LRP1B: variants seen among roughly 807,000 people sequenced by gnomAD.
LRP1B encodes the protein LDL receptor related protein 1B.
In LRP1B, 217 loss-of-function variants were observed where a neutral mutation model predicts 556.6. The ratio of observed to expected loss-of-function variants is 0.39; its 90% CI spans 0.35 to 0.44. The LOEUF (loss-of-function observed/expected upper bound fraction) is 0.44, where lower values mean the gene tolerates loss of function less well. Among genes scored for constraint, LRP1B ranks in the 20% least tolerant of loss-of-function variants. The pLI, the probability that LRP1B is intolerant of heterozygous loss-of-function variation, is 1.00. For missense variants in LRP1B, 5,053 were observed against 5,620.8 expected (o/e 0.90, Z 3.23); for synonymous variants, 2,047 against 1,865.8 (o/e 1.10, Z -2.50).
chr2:140,534,233 T>G (rs1441160082), intron 46 of LRP1B, 93 bp from the exon 47 acceptor site: 2 of 1,142,342 alleles, frequency 1.8e-6, no homozygotes, highest in Non-Finnish European at 2.5e-6. Context: ...TCATAATGAC[T>G]GGATTATGGA....
intron 23 of LRP1B, among the ~76,000 whole-genome samples, chr2:140,892,240 A>C (rs1693819342): frequency 1.3e-5 from 2 of 152,186 alleles, no homozygotes; most frequent in Non-Finnish European, 2.9e-5. Flanking sequence ...CAAAGGAGTA[A>C]GTGACAGAAG....
At chr2:140,501,977 T>A in intron 54 of LRP1B, 103 bp from the exon 55 acceptor site, 1 of 773,310 alleles carries the variant, frequency 1.3e-6, no homozygotes, top group Non-Finnish European at 1.9e-6. Flanking sequence ...GTGTCAAAAA[T>A]CATAATATAA....
At chr2:140,720,826 A>G (rs1026340586) in intron 35 of LRP1B, among the ~76,000 whole-genome samples, 3 of 152,074 alleles carry the variant, frequency 2.0e-5, no homozygotes, top group African/African-American at 2.4e-5. Flanking sequence ...AACAGCATAA[A>G]TATATAAAAA....
At chr2:141,724,743 G>A (rs531190591) in intron 2 of LRP1B, among the ~76,000 whole-genome samples, 5 of 151,992 alleles carry the variant, frequency 3.3e-5, no homozygotes, top group Admixed American at 6.6e-5. Flanking sequence ...AAATGATAAC[G>A]AGAAGGAAAG....
intron 1 of LRP1B, among the ~76,000 whole-genome samples, chr2:142,027,291 T>G (rs116621120): frequency 0.032 from 4,878 of 151,182 alleles, 85 homozygotes; most frequent in Non-Finnish European, 0.04. Flanking sequence ...GAAATTCTGA[T>G]TTTTAGAGGT....
At chr2:140,328,498 A>C (rs561885080) in intron 79 of LRP1B, among the ~76,000 whole-genome samples, 65 of 152,080 alleles carry the variant, frequency 4.3e-4, no homozygotes, top group African/African-American at 1.4e-3. Flanking sequence ...GAAAATGAAG[A>C]AAACAAAATA....
intron 27 of LRP1B, among the ~76,000 whole-genome samples, chr2:140,866,791 C>T (rs1362228430): frequency 6.6e-6 from 1 of 151,900 alleles, no homozygotes; most frequent in African/African-American, 2.4e-5. Flanking sequence ...CTAAAAGATA[C>T]TATAATACAA....
chr2:141,868,983 A>G (rs1027303433), intron 1 of LRP1B, among the ~76,000 whole-genome samples: 5 of 152,158 alleles, frequency 3.3e-5, no homozygotes, highest in Admixed American at 2.0e-4. Context: ...TCAAGTCTTA[A>G]TTAGCAGTAC....
At chr2:141,317,021 G>A (rs1284187137) in intron 3 of LRP1B, among the ~76,000 whole-genome samples, 1 of 152,132 alleles carries the variant, frequency 6.6e-6, no homozygotes, top group East Asian at 1.9e-4. Context: ...TGCCAAACTG[G>A]GAGCCTCCAA....
intron 40 of LRP1B, 131 bp from the exon 41 acceptor site, chr2:140,700,752 G>T: frequency 1.1e-6 from 1 of 937,882 alleles, no homozygotes; most frequent in Non-Finnish European, 1.6e-6. Flanking sequence ...TTTTAAGCTG[G>T]TCAATAAAAA....
chr2:141,601,202 G>GTATCTATCTATCTATCTATC (rs4008441), intron 2 of LRP1B, among the ~76,000 whole-genome samples: 69 of 148,938 alleles, frequency 4.6e-4, no homozygotes, highest in South Asian at 1.3e-3. Context: ...CTGTCTGTCA[G>GTATCTATCTATCTATCTATC]TATCTATCTA....
chr2:140,356,481 G>A lies in LRP1B; in HGVS notation c.11396-5C>T, dbSNP rs754836956. ...CACAGGTATATTCAGTAGGAGCTGG[G>A]ATTTAAAAATATGATCAAAACTAAT... is the stretch of plus-strand genomic sequence containing the variant. On this transcript the variant is annotated splice_region_variant and splice_polypyrimidine_tract_variant and intron_variant, in intron 74 of 90. Transcript: ENST00000389484. The A allele has an allele frequency of 8.0e-5, 126 of 1,582,318 alleles. No homozygotes were observed. Among genetic ancestry groups the A allele is most frequent in the Non-Finnish European group, 3.2e-5 (37 of 1,162,592 alleles).
chr2:141,525,257 A>G (rs1272218811), intron 2 of LRP1B, among the ~76,000 whole-genome samples: 1 of 152,080 alleles, frequency 6.6e-6, no homozygotes, highest in Non-Finnish European at 1.5e-5. Flanking sequence ...AAACCTGGAG[A>G]GAAGATAGAG....
intron 2 of LRP1B, among the ~76,000 whole-genome samples, chr2:141,704,305 C>G (rs1692060399): frequency 6.6e-6 from 1 of 151,850 alleles, no homozygotes; most frequent in Admixed American, 6.6e-5. Flanking sequence ...AGTTAAAATG[C>G]TTTATTAAGC....
At chr2:140,619,164 A>C (rs1683364053) in intron 41 of LRP1B, among the ~76,000 whole-genome samples, 1 of 151,442 alleles carries the variant, frequency 6.6e-6, no homozygotes, top group South Asian at 2.1e-4. Flanking sequence ...CTTTCAGGGG[A>C]CCAGGTGCTA....
chr2:141,014,298 C>A (rs986981161), intron 13 of LRP1B, among the ~76,000 whole-genome samples: 1 of 152,008 alleles, frequency 6.6e-6, no homozygotes, highest in Non-Finnish European at 1.5e-5. Flanking sequence ...TAAACACAGA[C>A]ACATTTATTA....
In LRP1B at chr2:140,450,651, T is replaced by C; in HGVS notation, c.9974A>G (p.Lys3325Arg). The change falls in exon 63 of 91, where the codon AAA (lysine) becomes AGA (arginine). Residue 3325 changes from lysine (K) to arginine (R), a missense_variant. Around this residue, in one of 5 missense-constraint regions of LRP1B, gnomAD observed 262 missense variants for 395.1 expected, o/e 0.66. Transcript: ENST00000389484. The part of the protein sequence containing the change: ...SNCTASQFRC[K>R]TDKCIPFWWK... ...CCAGAATGGAATACATTTGTCAGTTTTGCAACGAAACTTAAAAAAGAAAAA... is the reference window on the plus strand; with the variant it reads ...CCAGAATGGAATACATTTGTCAGTTCTGCAACGAAACTTAAAAAAGAAAAA... The C allele has an allele frequency of 6.2e-7, 1 of 1,608,184 alleles. No individual in the cohort carries two copies. Among genetic ancestry groups the C allele is most frequent in the Non-Finnish European group, 8.5e-7 (1 of 1,177,768 alleles).
At chr2:141,940,093 T>C (rs1700752773) in intron 1 of LRP1B, among the ~76,000 whole-genome samples, 1 of 152,076 alleles carries the variant, frequency 6.6e-6, no homozygotes, top group Admixed American at 6.6e-5. Context: ...TCAATTGCAG[T>C]GCAGTTAAAA....
intron 21 of LRP1B, among the ~76,000 whole-genome samples, chr2:140,916,184 C>T (rs1694573922): frequency 1.3e-5 from 2 of 152,098 alleles, no homozygotes; most frequent in South Asian, 4.2e-4. Context: ...CAGAAGTATT[C>T]CATAGGGCTG....
Sources: allele counts gnomAD v4.1 joint callset (sites outside exome capture counted in the v4.1 genomes callset), GRCh38; gene constraint gnomAD v4.1.1; regional missense constraint gnomAD v4.1.1; transcripts MANE v1.5; gene names NCBI Gene and HGNC (gene_info 2026-07-23, HGNC 2026-07-21).